The following ZBTB49 variants were observed in gnomAD, a reference collection of about 807,000 sequenced individuals.
The protein encoded by ZBTB49 is zinc finger and BTB domain-containing protein 49.
Under a neutral mutation model 57.5 loss-of-function variants are expected in ZBTB49, and 43 were observed. That is an observed-to-expected ratio of 0.75 (90% CI 0.59 to 0.97). ZBTB49 has a LOEUF of 0.97. Among genes scored for constraint, ZBTB49 ranks in the 50% least tolerant of loss-of-function variants. ZBTB49 has a pLI of 0.00. For missense variants in ZBTB49, 938 were observed against 947.7 expected (o/e 0.99, Z 0.13); for synonymous variants, 369 against 362.1 (o/e 1.02, Z -0.22).
Position 4,320,756 on chromosome 4 carries a change from C to T in ZBTB49, c.1738C>T (p.Arg580Trp), listed in dbSNP as rs1721377835. 6 of 1,614,212 alleles carry T rather than the reference C, an allele frequency of 3.7e-6. No individual in the cohort carries two copies. The highest frequency in any genetic ancestry group is 1.3e-5 in the African/African-American group (1 of 75,048). ...CTTTACCCGCTCTGCGGTGCTCCGG[C>T]GGCACAAGAAGATGCACTGCAAAGC... ...KCFTRSAVLR[R>W]HKKMHCKAGD... Residue 580 changes from arginine to tryptophan, a missense_variant, in exon 8 of 8, where the codon CGG (arginine) becomes TGG (tryptophan). Physicochemically the swap from Arg to Trp is moderately radical, Grantham distance 101. Around this residue, in one of 3 missense-constraint regions of ZBTB49, gnomAD observed 835 missense variants for 819.1 expected, o/e 1.02. Transcript: ENST00000337872.
In ZBTB49 at chr4:4,302,873, A is replaced by G. The variant is rs1032794094; in HGVS notation, c.1037A>G (p.Glu346Gly). ...RLESASKNTL[E>G]KASSQSAEEK... ...GAATCTGCTAGTAAAAATACCCTAGAGAAAGCTAGCAGCCAAAGTGCTGAA... is the reference window on the plus strand; with the variant it reads ...GAATCTGCTAGTAAAAATACCCTAGGGAAAGCTAGCAGCCAAAGTGCTGAA... Residue 346 changes from glutamate (E) to glycine (G), a missense_variant, in exon 3 of 8, where the codon GAG (glutamate) becomes GGG (glycine). Glu to Gly is a moderately conservative substitution (Grantham distance 98, BLOSUM62 -2). Around this residue, in one of 3 missense-constraint regions of ZBTB49, gnomAD observed 835 missense variants for 819.1 expected, o/e 1.02. Transcript: ENST00000337872. 4 of 1,613,860 alleles carry G rather than the reference A, an allele frequency of 2.5e-6. No individual in the cohort carries two copies. In the African/African-American group the frequency reaches 5.3e-5, roughly 22 times the overall value.
At chr4:4,293,663 A>T (rs4689240) in intron 1 of ZBTB49, among the ~76,000 whole-genome samples, 2 of 152,014 alleles carry the variant, frequency 1.3e-5, no homozygotes, top group Admixed American at 1.3e-4. Context: ...CTTCAATTCT[A>T]TGTGGTGTCA....
chr4:4,315,373 C>G (rs949128290), intron 5 of ZBTB49, among the ~76,000 whole-genome samples: 3 of 152,140 alleles, frequency 2.0e-5, no homozygotes, highest in African/African-American at 7.2e-5. Context: ...TGATCTTGTG[C>G]TCTGTAAAAC....
intron 2 of ZBTB49, among the ~76,000 whole-genome samples, chr4:4,300,948 G>A (rs1252187770): frequency 6.6e-6 from 1 of 151,816 alleles, no homozygotes; most frequent in Admixed American, 6.6e-5. Context: ...GACATGATTT[G>A]CTCTTTCCTT....
intron 2 of ZBTB49, 24 bp downstream of exon 2, chr4:4,300,121 C>T (rs886977326): frequency 1.9e-6 from 3 of 1,611,998 alleles, no homozygotes; most frequent in Non-Finnish European, 2.5e-6. Flanking sequence ...ACTTCATTCT[C>T]CTAGCTGTGA....
At position 4,302,358 on chromosome 4, in the gene ZBTB49, T is replaced by A. The variant is rs747848817; in HGVS notation, c.522T>A (p.His174Gln). Residue 174 changes from histidine to glutamine, a missense_variant, in exon 3 of 8, where the codon CAT becomes CAA. This residue lies in a region of ZBTB49 where 835 missense variants were observed against 819.1 expected (regional missense o/e 1.02). Transcript: ENST00000337872. Reference sequence around the variant, plus strand: ...AGAACAAAACGTTGGATGAATCGCATCCGCATGCTTCACCATCAGTTAATC... The same window carrying A: ...AGAACAAAACGTTGGATGAATCGCAACCGCATGCTTCACCATCAGTTAATC... ...AQQNKTLDES[H>Q]PHASPSVNRH... 6.2e-7 allele frequency: 1 copy of A among 1,614,224 alleles called. No individual in the cohort carries two copies. Among genetic ancestry groups the A allele is most frequent in the East Asian group, 2.2e-5 (1 of 44,892 alleles).
At position 4,321,353 on chromosome 4, in the gene ZBTB49, G is replaced by C; in HGVS notation, c.*37G>C. On this transcript the variant is annotated 3_prime_UTR_variant, in exon 8 of 8. Coordinates refer to ENST00000337872, the MANE Select transcript of ZBTB49 (RefSeq NM_145291.4). ...TCTCCACGGTAGAGGCGTGTTCTCA[G>C]TTTAGCAGGCTGGTGTTAAGGCTGT... 6.3e-7 allele frequency: 1 copy of C among 1,595,216 alleles called. No homozygotes were observed. The highest frequency in any genetic ancestry group is 8.5e-7 in the Non-Finnish European group (1 of 1,176,148).
At chr4:4,320,013 G>A (rs35366526) in intron 7 of ZBTB49, among the ~76,000 whole-genome samples, 75,936 of 150,034 alleles carry the variant, frequency 0.51, 19,269 homozygotes, top group Middle Eastern at 0.62. Flanking sequence ...GCACTGAGCC[G>A]AGACAATGCC....
intron 1 of ZBTB49, among the ~76,000 whole-genome samples, chr4:4,294,497 T>C (rs1720093145): frequency 6.6e-6 from 1 of 152,164 alleles, no homozygotes; most frequent in South Asian, 2.1e-4. Context: ...GCTGGTATTA[T>C]AGGCATGCGT....
At position 4,300,116 on chromosome 4, in the gene ZBTB49, A is replaced by G; in HGVS notation, c.152+19A>G. ...ATTTTAGGTGGGTATTTTAGACTTC[A>G]TTCTCCTAGCTGTGAATTAAGGGTA... On this transcript the variant is annotated intron_variant, in intron 2 of 7. Transcript: ENST00000337872. The G allele has an allele frequency of 6.2e-7, 1 of 1,613,218 alleles. No individual in the cohort carries two copies. Among genetic ancestry groups the G allele is most frequent in the Non-Finnish European group, 8.5e-7 (1 of 1,179,282 alleles).
At chr4:4,306,629 C>T (rs1296994238) in intron 4 of ZBTB49, among the ~76,000 whole-genome samples, 1 of 152,214 alleles carries the variant, frequency 6.6e-6, no homozygotes, top group Non-Finnish European at 1.5e-5. Context: ...CTACCTTTAG[C>T]TGACCTCCAT....
chr4:4,290,351 G>A lies in ZBTB49; in HGVS notation c.-21G>A, dbSNP rs976785993. The stretch of plus-strand genomic sequence containing the variant: ...CGGCGGGGCAGAGAGCGGCCTCCGA[G>A]GGTAAGGTGGCCGGCCTTGCGAAGG... On this transcript the variant is annotated splice_region_variant and 5_prime_UTR_variant, in exon 1 of 8. Coordinates refer to ENST00000337872, the MANE Select transcript of ZBTB49 (RefSeq NM_145291.4). The A allele has an allele frequency of 1.3e-5, 2 of 152,532 alleles. No homozygotes were observed. The highest frequency in any genetic ancestry group is 6.5e-5 in the Admixed American group (1 of 15,292). The allele number at this position is 152,532 out of a possible 1,614,324, so 9.4% of individuals were successfully genotyped here. A position where few individuals can be genotyped will look rare whatever the true frequency, so the allele number is the denominator to read the frequency against.
intron 1 of ZBTB49, among the ~76,000 whole-genome samples, chr4:4,294,229 C>A (rs1720079836): frequency 6.6e-6 from 1 of 152,046 alleles, no homozygotes; most frequent in Non-Finnish European, 1.5e-5. Context: ...CTTTTTATAA[C>A]CTCATTGGGG....
At chr4:4,320,567 G>A (rs1721364948) in intron 7 of ZBTB49, 73 bp from the exon 8 acceptor site, 1 of 1,569,604 alleles carries the variant, frequency 6.4e-7, no homozygotes, top group African/African-American at 1.4e-5. Flanking sequence ...TTGAGGCTAG[G>A]AGTTCACGAC....
rs572152212 is a variant in ZBTB49 at position 4,302,474 on chromosome 4, A to G, written c.638A>G (p.Tyr213Cys). Residue 213 changes from tyrosine (Y) to cysteine (C), a missense_variant, in exon 3 of 8, where the codon TAT becomes TGT. Tyr to Cys is a radical substitution (Grantham distance 194, BLOSUM62 -2). This residue lies in a region of ZBTB49 where 835 missense variants were observed against 819.1 expected (regional missense o/e 1.02). Coordinates refer to ENST00000337872, the MANE Select transcript of ZBTB49 (RefSeq NM_145291.4). ...CTGCCTTTCAAACAGCCAAATTACT[A>G]TTACAAACTCAGAAACTTTTACAGT... ...TELPFKQPNY[Y>C]YKLRNFYSKQ... is the part of the protein sequence containing the mutation. The G allele has an allele frequency of 1.7e-5, 27 of 1,614,192 alleles. No individual in the cohort carries two copies. Among genetic ancestry groups the G allele is most frequent in the South Asian group, 3.3e-5 (3 of 91,086 alleles).
At chr4:4,292,919 C>T (rs1428227381) in intron 1 of ZBTB49, among the ~76,000 whole-genome samples, 3 of 152,298 alleles carry the variant, frequency 2.0e-5, no homozygotes, top group African/African-American at 2.4e-5. Context: ...TTTCTTCATT[C>T]ACATTGATCT....
At chr4:4,310,895 A>G (rs1261431653) in intron 4 of ZBTB49, among the ~76,000 whole-genome samples, 1 of 152,170 alleles carries the variant, frequency 6.6e-6, no homozygotes, top group Non-Finnish European at 1.5e-5. Context: ...TATCCTTAGT[A>G]CTAGAATATA....
intron 7 of ZBTB49, among the ~76,000 whole-genome samples, chr4:4,318,717 C>T (rs2108903027): frequency 6.6e-6 from 1 of 152,294 alleles, no homozygotes; most frequent in East Asian, 1.9e-4. Flanking sequence ...CAAAATTCCG[C>T]ATGTCTGAGT....
chr4:4,304,374 C>A (rs550548893), intron 3 of ZBTB49, among the ~76,000 whole-genome samples: 1 of 151,944 alleles, frequency 6.6e-6, no homozygotes, highest in East Asian at 1.9e-4. Context: ...TACAGGCATG[C>A]GCCACCAATT....
Sources: gnomAD v4.1 joint callset for allele counts (sites outside exome capture counted in the v4.1 genomes callset) on GRCh38, gnomAD v4.1.1 for gene constraint, gnomAD v4.1.1 regional missense constraint, MANE v1.5 for transcripts, NCBI Gene and HGNC (gene_info 2026-07-23, HGNC 2026-07-21) for gene names.